The following PRKN variants were observed in gnomAD, a reference collection of about 807,000 sequenced individuals.
The protein encoded by PRKN is parkin RBR E3 ubiquitin protein ligase, also known as E3 ubiquitin-protein ligase parkin.
PRKN carries 56 observed loss-of-function variants against 59.5 expected under a neutral mutation model. The observed-to-expected ratio is 0.94, with a 90% CI of 0.76 to 1.18. PRKN has a LOEUF of 1.18. PRKN is among the 50% of genes most tolerant of loss of function. The pLI is 0.00. For synonymous variants in PRKN, 250 were observed against 222.1 expected, an observed-to-expected ratio of 1.13 and a Z score of -1.12; for missense variants, 657 against 596.4, an observed-to-expected ratio of 1.10 and a Z score of -1.06.
intron 6 of PRKN, among the ~76,000 whole-genome samples, chr6:161,812,766 G>A (rs1007427334): frequency 2.0e-5 from 3 of 152,140 alleles, no homozygotes; most frequent in African/African-American, 7.2e-5. Context: ...AGAAACTAAA[G>A]CCCTTAAATA....
At chr6:161,505,822 G>C (rs1226941641) in intron 9 of PRKN, among the ~76,000 whole-genome samples, 1 of 136,406 alleles carries the variant, frequency 7.3e-6, no homozygotes, top group East Asian at 2.1e-4. Flanking sequence ...GTTTGTCAAA[G>C]ATCAGATAGT....
chr6:162,382,480 G>A (rs565366334), intron 2 of PRKN, among the ~76,000 whole-genome samples: 18 of 152,212 alleles, frequency 1.2e-4, no homozygotes, highest in African/African-American at 2.2e-4. Context: ...TCTATTAAGC[G>A]TATAATAGCA....
intron 3 of PRKN, among the ~76,000 whole-genome samples, chr6:162,260,640 G>C (rs1779850622): frequency 6.6e-6 from 1 of 152,038 alleles, no homozygotes. Context: ...AAAATAAGAA[G>C]ACTAAAATTT....
intron 4 of PRKN, among the ~76,000 whole-genome samples, chr6:162,098,724 G>A (rs765151514): frequency 1.3e-5 from 2 of 152,130 alleles, no homozygotes; most frequent in Admixed American, 6.5e-5. Context: ...AGTCAGATTC[G>A]GAGTGATTGG....
intron 3 of PRKN, among the ~76,000 whole-genome samples, chr6:162,221,950 TC>T (rs1562591775): frequency 6.6e-6 from 1 of 152,172 alleles, no homozygotes; most frequent in African/African-American, 2.4e-5. Context: ...CATAATCTTA[TC>T]TAACAGTTAA....
intron 7 of PRKN, among the ~76,000 whole-genome samples, chr6:161,587,449 G>T (rs1195507048): frequency 6.6e-6 from 1 of 152,108 alleles, no homozygotes; most frequent in Non-Finnish European, 1.5e-5. Flanking sequence ...GTGTAACAGA[G>T]ATCTTTTCAG....
Position 161,417,589 on chromosome 6 carries a change from G to T in PRKN, c.1084-30712C>A, listed in dbSNP as rs1333373633. Among the ~76,000 whole-genome samples the T allele has an allele frequency of 6.6e-6, 1 of 152,004 alleles. No individual in the cohort carries two copies. The highest frequency in any genetic ancestry group is 1.5e-5 in the Non-Finnish European group (1 of 67,984). The stretch of plus-strand genomic sequence containing the variant: ...AGAATGGGGTTTGTGTCTTAGAAAA[G>T]AAAAAACTCACGGGGCTGGGGGTTA... On this transcript the variant is annotated intron_variant, in intron 9 of 11. Coordinates refer to ENST00000366898, the MANE Select transcript of PRKN (RefSeq NM_004562.3). The surrounding 1 kb of genome is among the most constrained non-coding windows in gnomAD (Gnocchi z 5.4).
chr6:162,149,279 C>T (rs1359896785), intron 4 of PRKN, among the ~76,000 whole-genome samples: 3 of 152,150 alleles, frequency 2.0e-5, no homozygotes, highest in Admixed American at 6.5e-5. Context: ...GGGTCTCACT[C>T]TGTCACCCAG....
chr6:162,293,893 T>C (rs907538043), intron 2 of PRKN, among the ~76,000 whole-genome samples: 2 of 152,116 alleles, frequency 1.3e-5, no homozygotes, highest in African/African-American at 4.8e-5. Context: ...TTAGCCAGGA[T>C]GGTCTCGATC....
At chr6:161,841,186 A>G (rs553417977) in intron 6 of PRKN, among the ~76,000 whole-genome samples, 6 of 152,296 alleles carry the variant, frequency 3.9e-5, no homozygotes, top group Admixed American at 6.5e-5. Flanking sequence ...GAATCCAGGA[A>G]CAAAAGAGAA....
At chr6:161,656,057 G>A (rs1042600677) in intron 7 of PRKN, among the ~76,000 whole-genome samples, 1 of 152,190 alleles carries the variant, frequency 6.6e-6, no homozygotes, top group Admixed American at 6.5e-5. Context: ...GACAGCCGAG[G>A]TAGCCCGCTG....
rs974680050 is a variant in PRKN at position 161,484,900 on chromosome 6, C to T, written c.1083+63954G>A. On this transcript the variant is annotated intron_variant, in intron 9 of 11. Coordinates refer to ENST00000366898, the MANE Select transcript of PRKN (RefSeq NM_004562.3). This position sits in a 1 kb window ranked among gnomAD's most constrained non-coding sequence, Gnocchi z 4.9. ...AGGTGTCTGCTCCTAACCACCTGCCCCTCAAAGGTGTCTGCTCCTAACCAC... is the reference window on the plus strand; with the variant it reads ...AGGTGTCTGCTCCTAACCACCTGCCTCTCAAAGGTGTCTGCTCCTAACCAC... 2.0e-5 allele frequency among the ~76,000 whole-genome samples: 3 copies of T among 150,456 alleles called. No individual in the cohort carries two copies. Among genetic ancestry groups the T allele is most frequent in the Non-Finnish European group, 4.4e-5 (3 of 67,966 alleles).
At chr6:162,622,712 C>T (rs1384795890) in intron 1 of PRKN, among the ~76,000 whole-genome samples, 7 of 152,116 alleles carry the variant, frequency 4.6e-5, no homozygotes, top group Non-Finnish European at 1.0e-4. Flanking sequence ...TTCATCTGCA[C>T]TGTGAAATAC....
At position 162,487,079 on chromosome 6, in the gene PRKN, A is replaced by G. The variant is rs546428473; in HGVS notation, c.8-43606T>C. ...AGTGAGACTCTAGTCTCAAAAAAAA[A>G]GAAAAGAAAAGTAGATTTTAAGGAA... On this transcript the variant is annotated intron_variant, in intron 1 of 11. Transcript: ENST00000366898. Among the ~76,000 whole-genome samples the G allele has an allele frequency of 8.5e-5, 13 of 152,244 alleles. No homozygotes were observed. The East Asian group carries it at 2.5e-3, about 30-fold the overall frequency.
At chr6:161,368,833 G>A (rs1785328483) in intron 10 of PRKN, among the ~76,000 whole-genome samples, 1 of 152,146 alleles carries the variant, frequency 6.6e-6, no homozygotes, top group African/African-American at 2.4e-5. Flanking sequence ...CAAAGCTCAT[G>A]CCCTTTCTTT....
At chr6:161,495,530 G>A (rs556612113) in intron 9 of PRKN, among the ~76,000 whole-genome samples, 34 of 152,302 alleles carry the variant, frequency 2.2e-4, no homozygotes, top group African/African-American at 6.7e-4. Context: ...TGCCATTTCT[G>A]GGTTACGCCC....
At chr6:161,520,882 C>A (rs1286995501) in intron 9 of PRKN, among the ~76,000 whole-genome samples, 1 of 152,214 alleles carries the variant, frequency 6.6e-6, no homozygotes, top group Non-Finnish European at 1.5e-5. Context: ...ATCACAGATG[C>A]TTACCTAGTA....
chr6:162,466,299 C>T (rs1469138735), intron 1 of PRKN, among the ~76,000 whole-genome samples: 1 of 152,120 alleles, frequency 6.6e-6, no homozygotes, highest in Admixed American at 6.5e-5. Context: ...CTTCAGGAGG[C>T]AGAAGCAATC....
chr6:161,692,384 C>T (rs901585205), intron 7 of PRKN, among the ~76,000 whole-genome samples: 1 of 152,190 alleles, frequency 6.6e-6, no homozygotes, highest in South Asian at 2.1e-4. Context: ...CCACTGAGCA[C>T]GTCATTGCTT....
Sources: allele counts gnomAD v4.1 joint callset (sites outside exome capture counted in the v4.1 genomes callset), GRCh38; gene constraint gnomAD v4.1.1; non-coding constraint Gnocchi (gnomAD v3.1); transcripts MANE v1.5; gene names NCBI Gene and HGNC (gene_info 2026-07-23, HGNC 2026-07-21).